Variants in TES observed in about 807,000 individuals in gnomAD.
TES encodes the protein testin LIM domain protein.
TES carries 41 observed loss-of-function variants against 48.2 expected under a neutral mutation model. The ratio of observed to expected loss-of-function variants is 0.85; its 90% CI spans 0.66 to 1.10. TES has a LOEUF of 1.10. TES is among the 50% of genes least tolerant of loss of function. TES has a pLI of 0.00. For missense variants in TES, 463 were observed against 515.1 expected (o/e 0.90, Z 0.98); for synonymous variants, 162 against 174.9 (o/e 0.93, Z 0.58).
At chr7:116,246,946 C>CTTTTTT (rs148032626) in intron 2 of TES, among the ~76,000 whole-genome samples, 10 of 131,066 alleles carry the variant, frequency 7.6e-5, no homozygotes, top group African/African-American at 8.8e-5. Flanking sequence ...AGACTAGGCC[C>CTTTTTT]CTTTTTTTTT....
At chr7:116,251,597 G>A (rs372578328) in intron 4 of TES, 163 bp from the exon 5 acceptor site, 25 of 653,946 alleles carry the variant, frequency 3.8e-5, no homozygotes, top group South Asian at 1.6e-4. Flanking sequence ...GCAGGAGAAC[G>A]GCGTGAACCC....
intron 1 of TES, among the ~76,000 whole-genome samples, chr7:116,226,726 G>A (rs552106407): frequency 7.2e-5 from 11 of 152,210 alleles, no homozygotes. Context: ...ACACTCGAGT[G>A]CAGATGAGGG....
chr7:116,254,721 A>C (rs1800068879), intron 6 of TES, among the ~76,000 whole-genome samples: 1 of 146,732 alleles, frequency 6.8e-6, no homozygotes, highest in Non-Finnish European at 1.5e-5. Flanking sequence ...CAGGTGATTG[A>C]TAGTGCGACA....
intron 2 of TES, 144 bp from the exon 3 acceptor site, chr7:116,248,876 C>A: frequency 4.1e-6 from 3 of 736,038 alleles, no homozygotes; most frequent in Non-Finnish European, 2.0e-6. Flanking sequence ...TATATGGATA[C>A]TTATTCTCCC....
intron 3 of TES, 97 bp downstream of exon 3, chr7:116,249,369 G>T: frequency 7.2e-7 from 1 of 1,390,060 alleles, no homozygotes. Context: ...ACACATCCCA[G>T]ATCTGTTATT....
intron 5 of TES, 61 bp downstream of exon 5, chr7:116,252,036 AC>A (rs751012858): frequency 3.9e-6 from 6 of 1,531,554 alleles, no homozygotes; most frequent in Non-Finnish European, 5.4e-6. Context: ...TGGTCCCTTT[AC>A]CTAGAAGGCA....
At chr7:116,250,851 G>T (rs530081228) in intron 4 of TES, among the ~76,000 whole-genome samples, 1 of 152,246 alleles carries the variant, frequency 6.6e-6, no homozygotes, top group South Asian at 2.1e-4. Flanking sequence ...CCATAAATAG[G>T]AATATATGCT....
rs1207875468 is a variant in TES, at chr7:116,249,149, A to G, written c.243A>G (p.Ser81=). ...CCACTCTGATTGCAAAACTAAAGTCAGATGGAATTCCCATGTATAAACGCA... is the reference window on the plus strand; with the variant it reads ...CCACTCTGATTGCAAAACTAAAGTCGGATGGAATTCCCATGTATAAACGCA... The part of the protein sequence containing the change: ...KYTTLIAKLK[S]DGIPMYKRNV... The change falls in exon 3 of 7, where the codon TCA becomes TCG. Residue 81 remains serine, a synonymous_variant. Transcript: ENST00000358204. 1.2e-6 allele frequency: 2 copies of G among 1,614,022 alleles called. No homozygotes were observed. Among genetic ancestry groups the G allele is most frequent in the South Asian group, 1.1e-5 (1 of 91,084 alleles).
chr7:116,224,174 G>A (rs1047629086), intron 1 of TES, among the ~76,000 whole-genome samples: 7 of 152,160 alleles, frequency 4.6e-5, no homozygotes, highest in East Asian at 3.9e-4. Flanking sequence ...CTCCCTAGTC[G>A]ATCCTTGCAG....
At chr7:116,236,947 T>G (rs1250509817) in intron 2 of TES, among the ~76,000 whole-genome samples, 2 of 152,202 alleles carry the variant, frequency 1.3e-5, no homozygotes, top group Non-Finnish European at 2.9e-5. Context: ...TCTTAGTAGT[T>G]CTGACATCTT....
intron 1 of TES, among the ~76,000 whole-genome samples, chr7:116,230,594 T>C (rs376715170): frequency 2.6e-5 from 4 of 152,202 alleles, no homozygotes; most frequent in East Asian, 3.9e-4. Context: ...CCCTGTGGCT[T>C]TCCTCTTTAC....
chr7:116,241,692 ATTTCT>A (rs1274630004), intron 2 of TES, among the ~76,000 whole-genome samples: 1 of 97,668 alleles, frequency 1.0e-5, no homozygotes, highest in Non-Finnish European at 2.0e-5. Context: ...CTTCTTAGGT[ATTTCT>A]TTTTTCTTAC....
At chr7:116,244,459 G>A (rs1799894205) in intron 2 of TES, among the ~76,000 whole-genome samples, 1 of 152,210 alleles carries the variant, frequency 6.6e-6, no homozygotes, top group South Asian at 2.1e-4. Flanking sequence ...ATTCCAAAAT[G>A]TCCTTTGACT....
At position 116,257,565 on chromosome 7, in the gene TES, A is replaced by G. The variant is rs1800120401; in HGVS notation, c.*83A>G. 2 of 1,178,634 alleles carry G rather than the reference A, an allele frequency of 1.7e-6. No homozygotes were observed. The highest frequency in any genetic ancestry group is 3.2e-5 in the African/African-American group (2 of 63,378). The allele number at this position is 1,178,634 out of a possible 1,614,324, so 73.0% of individuals were successfully genotyped here. A position where few individuals can be genotyped will look rare whatever the true frequency, so the allele number is the denominator to read the frequency against. On this transcript the variant is annotated 3_prime_UTR_variant, in exon 7 of 7. Coordinates refer to ENST00000358204, the MANE Select transcript of TES (RefSeq NM_015641.4). ...TGTAAAATGCAATTTGAAAAAAATA[A>G]AACGCAAAAAAAGAAACTGTAAAGG...
intron 1 of TES, chr7:116,211,433 T>C (rs13223583): frequency 0.57 from 86,470 of 152,066 alleles, 25,050 homozygotes; most frequent in East Asian, 0.86. Flanking sequence ...CATTTTCAGC[T>C]TGGCTGCTGC....
In TES at chr7:116,247,268, A is replaced by T. The variant is rs77973040; in HGVS notation, c.114-1752A>T. Among the ~76,000 whole-genome samples, 536 of 152,182 alleles carry T rather than the reference A, an allele frequency of 3.5e-3. 8 individuals are homozygous for T. Among genetic ancestry groups the T allele is most frequent in the East Asian group, 7.1e-3 (37 of 5,184 alleles). On this transcript the variant is annotated intron_variant, in intron 2 of 6. Transcript: ENST00000358204. The stretch of plus-strand genomic sequence containing the variant: ...CTAGGATTATAATCTTTGATGGGAA[A>T]AGTTTCCCTGTCTCTCACTAAAAAA...
chr7:116,243,940 G>A (rs1264445715), intron 2 of TES: 3 of 152,130 alleles, frequency 2.0e-5, no homozygotes, highest in Admixed American at 1.3e-4. Flanking sequence ...GAAGTGCCTA[G>A]CAAAAGGGAG....
intron 2 of TES, among the ~76,000 whole-genome samples, chr7:116,246,682 T>G (rs534568027): frequency 6.6e-6 from 1 of 152,322 alleles, no homozygotes; most frequent in South Asian, 2.1e-4. Flanking sequence ...CTAGAGACTT[T>G]TCTTTCCTTT....
At chr7:116,254,925 A>AGCAT (rs1350729878) in intron 6 of TES, among the ~76,000 whole-genome samples, 1 of 152,148 alleles carries the variant, frequency 6.6e-6, no homozygotes. Context: ...CTACCCACAC[A>AGCAT]GCATGCTACA....
Sources: gnomAD v4.1 joint callset for allele counts (sites outside exome capture counted in the v4.1 genomes callset) on GRCh38, gnomAD v4.1.1 for gene constraint, MANE v1.5 for transcripts, NCBI Gene and HGNC (gene_info 2026-07-23, HGNC 2026-07-21) for gene names.